Variants in FSTL5 observed in about 807,000 individuals in gnomAD.
FSTL5 encodes follistatin-related protein 5.
Under a neutral mutation model 89.1 loss-of-function variants are expected in FSTL5, and 62 were observed. That is an observed-to-expected ratio of 0.70 (90% CI 0.57 to 0.86). The LOEUF (loss-of-function observed/expected upper bound fraction) is 0.86. Ranked by LOEUF, FSTL5 falls within the 40% of genes least tolerant of loss-of-function variation. The pLI is 0.00. For missense variants in FSTL5, 1,057 were observed against 1,001.6 expected, an observed-to-expected ratio of 1.06 and a Z score of -0.75; for synonymous variants, 383 against 346.2, an observed-to-expected ratio of 1.11 and a Z score of -1.18.
intron 10 of FSTL5, among the ~76,000 whole-genome samples, chr4:161,512,699 A>G (rs72685707): frequency 0.26 from 39,828 of 152,012 alleles, 6,529 homozygotes; most frequent in Non-Finnish European, 0.38. Flanking sequence ...AAAATTACAG[A>G]CTTTGTAATA....
intron 3 of FSTL5, among the ~76,000 whole-genome samples, chr4:162,009,401 C>A (rs1408783370): frequency 6.6e-6 from 1 of 151,922 alleles, no homozygotes; most frequent in African/African-American, 2.4e-5. Context: ...CAGAACATGA[C>A]CTTAATTGTT....
rs191690941 is a variant in FSTL5 at position 162,065,646 on chromosome 4, G to T, written c.127-31988C>A. On this transcript the variant is annotated intron_variant, in intron 2 of 15. Coordinates refer to ENST00000306100, the MANE Select transcript of FSTL5 (RefSeq NM_020116.5). ...GTTGGTATAGCCATTATAGAAAAAG[G>T]TGTGAAGATTCCTCAGTAAATTAAA... is the stretch of plus-strand genomic sequence containing the variant. Among the ~76,000 whole-genome samples the T allele has an allele frequency of 4.7e-4, 71 of 152,024 alleles. 2 individuals are homozygous for T. The East Asian group carries it at 0.013, about 28-fold the overall frequency.
intron 6 of FSTL5, among the ~76,000 whole-genome samples, chr4:161,676,984 C>A (rs1433099616): frequency 6.6e-6 from 1 of 151,882 alleles, no homozygotes; most frequent in Non-Finnish European, 1.5e-5. Context: ...TTAAAATAAA[C>A]TGTTAAAAAT....
At chr4:162,032,745 G>T (rs1393617563) in intron 3 of FSTL5, 1 of 152,128 alleles carries the variant, frequency 6.6e-6, no homozygotes, top group Admixed American at 6.6e-5. Context: ...CAGCATTTCA[G>T]AAGACCATGT....
At chr4:161,568,134 T>C (rs967708685) in intron 8 of FSTL5, among the ~76,000 whole-genome samples, 2 of 152,116 alleles carry the variant, frequency 1.3e-5, no homozygotes, top group African/African-American at 4.8e-5. Flanking sequence ...ATATTTGCCA[T>C]ATATCTCAAC....
chr4:161,929,685 G>GTGTGTGTGTGTA (rs1553983475), intron 3 of FSTL5, among the ~76,000 whole-genome samples: 52 of 149,206 alleles, frequency 3.5e-4, no homozygotes, highest in African/African-American at 1.2e-3. Context: ...GTGTGTGTGT[G>GTGTGTGTGTGTA]TGTGTGTGTG....
chr4:161,844,260 G>C (rs1351589657), intron 4 of FSTL5, among the ~76,000 whole-genome samples: 1 of 152,134 alleles, frequency 6.6e-6, no homozygotes, highest in Admixed American at 6.5e-5. Context: ...AGTTAGAATG[G>C]CAATCATTAA....
intron 7 of FSTL5, among the ~76,000 whole-genome samples, chr4:161,647,851 GC>G (rs148459054): frequency 0.017 from 2,510 of 151,946 alleles, 73 homozygotes; most frequent in African/African-American, 0.057. Flanking sequence ...GGCCTGCTAC[GC>G]CCCCATCCTG....
At chr4:161,802,837 T>C (rs771919886) in intron 4 of FSTL5, among the ~76,000 whole-genome samples, 57 of 151,872 alleles carry the variant, frequency 3.8e-4, no homozygotes, top group Admixed American at 1.6e-3. Flanking sequence ...TGAAACTTTG[T>C]GCTGGAAGAT....
intron 2 of FSTL5, among the ~76,000 whole-genome samples, chr4:162,095,432 C>T (rs1346022736): frequency 2.0e-5 from 3 of 152,086 alleles, no homozygotes; most frequent in Non-Finnish European, 4.4e-5. Context: ...CTCCAAATGA[C>T]TTAGTCATTA....
intron 7 of FSTL5, among the ~76,000 whole-genome samples, chr4:161,633,544 A>C (rs189657722): frequency 3.4e-4 from 52 of 152,102 alleles, no homozygotes; most frequent in African/African-American, 1.2e-3. Context: ...ACAGGGTTTC[A>C]CCATGTTGGC....
chr4:161,757,158 T>G (rs1740598572), intron 6 of FSTL5, among the ~76,000 whole-genome samples: 1 of 152,178 alleles, frequency 6.6e-6, no homozygotes, highest in Non-Finnish European at 1.5e-5. Context: ...TTATTCTTTC[T>G]ATCTACTACC....
chr4:161,724,171 A>C (rs1421137180), intron 6 of FSTL5, among the ~76,000 whole-genome samples: 1 of 152,130 alleles, frequency 6.6e-6, no homozygotes, highest in Non-Finnish European at 1.5e-5. Context: ...AAATTACAAA[A>C]ATGTTTCTGA....
intron 15 of FSTL5, among the ~76,000 whole-genome samples, chr4:161,388,886 T>C (rs1209495608): frequency 3.3e-5 from 5 of 152,118 alleles, no homozygotes; most frequent in Non-Finnish European, 5.9e-5. Context: ...TCAAGTTTTC[T>C]GTGATACAAT....
intron 2 of FSTL5, among the ~76,000 whole-genome samples, chr4:162,068,117 C>G (rs1232400113): frequency 1.3e-5 from 2 of 152,078 alleles, no homozygotes; most frequent in Non-Finnish European, 2.9e-5. Flanking sequence ...ATGAAAATGA[C>G]CATACTGCTC....
intron 5 of FSTL5, among the ~76,000 whole-genome samples, chr4:161,770,138 A>C (rs1741157422): frequency 6.6e-6 from 1 of 152,088 alleles, no homozygotes; most frequent in Non-Finnish European, 1.5e-5. Context: ...ATATATTCTT[A>C]CTTATTTGTG....
intron 6 of FSTL5, among the ~76,000 whole-genome samples, chr4:161,742,574 T>G (rs940056249): frequency 2.6e-5 from 4 of 152,168 alleles, no homozygotes; most frequent in African/African-American, 4.8e-5. Flanking sequence ...GAGTAGCCTT[T>G]GACATGTGGC....
chr4:161,565,746 C>CACACAT (rs1331654632), intron 8 of FSTL5, among the ~76,000 whole-genome samples: 1 of 131,030 alleles, frequency 7.6e-6, no homozygotes, highest in African/African-American at 3.2e-5. Context: ...ACTTGAGACA[C>CACACAT]ACACACACAC....
intron 6 of FSTL5, among the ~76,000 whole-genome samples, chr4:161,736,835 G>A (rs900067698): frequency 2.0e-5 from 3 of 152,074 alleles, no homozygotes; most frequent in African/African-American, 4.8e-5. Flanking sequence ...TCTAGGGTGT[G>A]TGGGTGTGTG....
Sources: gnomAD v4.1 joint callset for allele counts (sites outside exome capture counted in the v4.1 genomes callset) on GRCh38, gnomAD v4.1.1 for gene constraint, MANE v1.5 for transcripts, NCBI Gene and HGNC (gene_info 2026-07-23, HGNC 2026-07-21) for gene names.